EIF2B3: variants seen among roughly 807,000 people sequenced by gnomAD.
The protein encoded by EIF2B3 is eukaryotic translation initiation factor 2B subunit gamma.
EIF2B3 carries 20 observed loss-of-function variants against 54.1 expected under a neutral mutation model. The observed-to-expected ratio is 0.37, with a 90% CI of 0.26 to 0.54. The LOEUF is 0.54. EIF2B3 is among the 20% of genes least tolerant of loss of function. The pLI is 0.86. For missense variants in EIF2B3, 448 were observed against 547.8 expected, an observed-to-expected ratio of 0.82 and a Z score of 1.82; for synonymous variants, 153 against 188.1, an observed-to-expected ratio of 0.81 and a Z score of 1.52.
At chr1:44,949,523 T>C (rs1644138641) in intron 3 of EIF2B3, among the ~76,000 whole-genome samples, 1 of 152,194 alleles carries the variant, frequency 6.6e-6, no homozygotes, top group Non-Finnish European at 1.5e-5. Flanking sequence ...TATTAAAACA[T>C]CTGATTTTAA....
Position 44,874,781 on chromosome 1 carries a change from T to C in EIF2B3, c.1099A>G (p.Lys367Glu). The change falls in exon 10 of 12, where the codon AAG becomes GAG. Residue 367 changes from lysine (K) to glutamate (E), a missense_variant. This residue lies in a region of EIF2B3 where 350 missense variants were observed against 414.2 expected (regional missense o/e 0.85). Coordinates refer to ENST00000360403, the MANE Select transcript of EIF2B3 (RefSeq NM_020365.5). Reference sequence around the variant, plus strand: ...ATGACTGAGCGCTTAATGGATGACTTCTCTCCAATCTGTGTCTCTGGCCCA... The same window carrying C: ...ATGACTGAGCGCTTAATGGATGACTCCTCTCCAATCTGTGTCTCTGGCCCA... ...LIGPETQIGE[K>E]SSIKRSVIGS... 6.2e-7 allele frequency: 1 copy of C among 1,614,076 alleles called. No individual in the cohort carries two copies. Among genetic ancestry groups the C allele is most frequent in the Non-Finnish European group, 8.5e-7 (1 of 1,180,014 alleles).
chr1:44,899,704 GAGAAAAAGAA>G (rs1223123111), intron 5 of EIF2B3, among the ~76,000 whole-genome samples: 1 of 152,162 alleles, frequency 6.6e-6, no homozygotes, highest in African/African-American at 2.4e-5. Flanking sequence ...TGAGACTGTG[GAGAAAAAGAA>G]ATGTTTATAT....
chr1:44,857,114 C>T (rs571581011), intron 11 of EIF2B3, among the ~76,000 whole-genome samples: 1 of 152,278 alleles, frequency 6.6e-6, no homozygotes, highest in African/African-American at 2.4e-5. Context: ...GTATTGGTGC[C>T]AACCTGGGCC....
At chr1:44,883,710 C>T (rs1557669669) in intron 6 of EIF2B3, among the ~76,000 whole-genome samples, 1 of 152,192 alleles carries the variant, frequency 6.6e-6, no homozygotes, top group Non-Finnish European at 1.5e-5. Context: ...CGTTTAGCTG[C>T]CTCTATGTGT....
chr1:44,876,537 G>C (rs1321971949), intron 8 of EIF2B3, among the ~76,000 whole-genome samples: 1 of 44,436 alleles, frequency 2.3e-5, no homozygotes, highest in Non-Finnish European at 4.2e-5. Context: ...AGTGAGGAGC[G>C]TCTCCGCCCG....
chr1:44,955,752 A>G (rs1221842244), intron 3 of EIF2B3, among the ~76,000 whole-genome samples: 1 of 152,220 alleles, frequency 6.6e-6, no homozygotes, highest in Non-Finnish European at 1.5e-5. Flanking sequence ...CAAGAAACAT[A>G]TGAAAAAAAG....
chr1:44,873,726 T>A (rs1655035031), intron 10 of EIF2B3, among the ~76,000 whole-genome samples: 1 of 151,932 alleles, frequency 6.6e-6, no homozygotes, highest in South Asian at 2.1e-4. Context: ...CTGCAACCTC[T>A]GCCTCCTGGG....
chr1:44,879,379 C>T (rs1655309232), intron 8 of EIF2B3, among the ~76,000 whole-genome samples: 1 of 152,246 alleles, frequency 6.6e-6, no homozygotes, highest in Non-Finnish European at 1.5e-5. Context: ...CATTCCTTTC[C>T]TGAGGCTTTG....
chr1:44,956,028 G>T (rs533371927), intron 3 of EIF2B3, among the ~76,000 whole-genome samples: 1 of 152,106 alleles, frequency 6.6e-6, no homozygotes. Flanking sequence ...ATACCCAAAG[G>T]ATTATAAATC....
At chr1:44,858,892 C>T (rs534979357) in intron 10 of EIF2B3, among the ~76,000 whole-genome samples, 1 of 152,290 alleles carries the variant, frequency 6.6e-6, no homozygotes, top group African/African-American at 2.4e-5. Context: ...CTATGCCTGG[C>T]TAAAAAGGAT....
chr1:44,943,531 C>T (rs1330539811), intron 3 of EIF2B3, among the ~76,000 whole-genome samples: 2 of 151,292 alleles, frequency 1.3e-5, no homozygotes, highest in East Asian at 2.0e-4. Flanking sequence ...GTGATCCTCC[C>T]ACCTCAGCCT....
At chr1:44,945,841 C>T (rs1644095898) in intron 3 of EIF2B3, among the ~76,000 whole-genome samples, 1 of 152,114 alleles carries the variant, frequency 6.6e-6, no homozygotes, top group Non-Finnish European at 1.5e-5. Flanking sequence ...TTCTATTTTT[C>T]TAAGTTTCTC....
In EIF2B3 at chr1:44,881,608, T is replaced by G; in HGVS notation, c.784+4A>C. On this transcript the variant is annotated splice_donor_region_variant and intron_variant, in intron 7 of 11. Coordinates refer to ENST00000360403, the MANE Select transcript of EIF2B3 (RefSeq NM_020365.5). This position sits in a 1 kb window ranked among gnomAD's most constrained non-coding sequence, Gnocchi z 4.0. ...CCTCTTACTGAACCAACCCAAGAAC[T>G]GACCTAAGGACTTCAGCTCCTTTTT... 2 of 1,614,068 alleles carry G rather than the reference T, an allele frequency of 1.2e-6. No homozygotes were observed. The highest frequency in any genetic ancestry group is 3.3e-5 in the Admixed American group (2 of 60,022).
intron 4 of EIF2B3, among the ~76,000 whole-genome samples, chr1:44,936,275 A>C (rs1643945751): frequency 6.6e-6 from 1 of 151,982 alleles, no homozygotes; most frequent in African/African-American, 2.4e-5. Context: ...GGGCTGTTTG[A>C]ATCACTAGAA....
chr1:44,946,847 A>G (rs1012111102), intron 3 of EIF2B3, among the ~76,000 whole-genome samples: 4 of 152,108 alleles, frequency 2.6e-5, no homozygotes, highest in Admixed American at 1.3e-4. Flanking sequence ...AGGAATGCAA[A>G]TGGCTTTCTA....
chr1:44,980,321 G>A (rs1186679022), intron 2 of EIF2B3, among the ~76,000 whole-genome samples: 1 of 152,004 alleles, frequency 6.6e-6, no homozygotes, highest in Non-Finnish European at 1.5e-5. Context: ...AAACTTAGCC[G>A]GGCATGGTGG....
At chr1:44,913,188 A>G (rs1000078379) in intron 5 of EIF2B3, among the ~76,000 whole-genome samples, 3 of 150,636 alleles carry the variant, frequency 2.0e-5, no homozygotes, top group Non-Finnish European at 3.0e-5. Context: ...ATAAGATCAT[A>G]TTTTTTAATA....
intron 4 of EIF2B3, among the ~76,000 whole-genome samples, chr1:44,927,394 T>C (rs1643864654): frequency 6.6e-6 from 1 of 151,912 alleles, no homozygotes; most frequent in Non-Finnish European, 1.5e-5. Flanking sequence ...AAGAGAGAGC[T>C]GGGGGAGAGA....
intron 6 of EIF2B3, among the ~76,000 whole-genome samples, chr1:44,884,661 T>C (rs533157986): frequency 2.6e-5 from 4 of 152,294 alleles, no homozygotes; most frequent in Admixed American, 6.5e-5. Context: ...TTCTCCCCTT[T>C]TAATGCTTCA....
Sources: allele counts gnomAD v4.1 joint callset (sites outside exome capture counted in the v4.1 genomes callset), GRCh38; gene constraint gnomAD v4.1.1; regional missense constraint gnomAD v4.1.1; non-coding constraint Gnocchi (gnomAD v3.1); transcripts MANE v1.5; gene names NCBI Gene and HGNC (gene_info 2026-07-23, HGNC 2026-07-21).